RAP1A: variants seen among roughly 807,000 people sequenced by gnomAD.
RAP1A encodes the protein RAP1A, member of RAS oncogene family, also known as ras-related protein Rap-1A.
RAP1A carries 6 observed loss-of-function variants against 26.4 expected under a neutral mutation model. The observed-to-expected ratio is 0.23, with a 90% confidence interval of 0.12 to 0.45. The LOEUF is 0.45. Among genes scored for constraint, RAP1A ranks in the 20% least tolerant of loss-of-function variants. The pLI, the probability that RAP1A is intolerant of heterozygous loss-of-function variation, is 0.99. For synonymous variants in RAP1A, 73 were observed against 79.4 expected, an observed-to-expected ratio of 0.92 and a Z score of 0.43; for missense variants, 121 against 217.2, an observed-to-expected ratio of 0.56 and a Z score of 2.78.
chr1:111,653,705 A>C (rs930993590), intron 1 of RAP1A, among the ~76,000 whole-genome samples: 2 of 147,228 alleles, frequency 1.4e-5, no homozygotes, highest in African/African-American at 4.9e-5. Flanking sequence ...AAAAAAAAAA[A>C]AAAAGGTGGA....
At chr1:111,582,700 T>C (rs1658281542) in intron 1 of RAP1A, among the ~76,000 whole-genome samples, 1 of 152,222 alleles carries the variant, frequency 6.6e-6, no homozygotes, top group South Asian at 2.1e-4. Context: ...CAGATAAATG[T>C]CACCCTCTGC....
intron 1 of RAP1A, among the ~76,000 whole-genome samples, chr1:111,652,735 T>G (rs1571531089): frequency 6.6e-6 from 1 of 152,246 alleles, no homozygotes; most frequent in African/African-American, 2.4e-5. Context: ...TTGGCCAGGA[T>G]GTAGAGAGAT....
chr1:111,652,673 C>G (rs952105551), intron 1 of RAP1A, among the ~76,000 whole-genome samples: 5 of 151,960 alleles, frequency 3.3e-5, no homozygotes, highest in African/African-American at 1.2e-4. Context: ...GATATTATTT[C>G]ATACACACTA....
intron 1 of RAP1A, among the ~76,000 whole-genome samples, chr1:111,641,664 T>C (rs1659896572): frequency 6.6e-6 from 1 of 152,148 alleles, no homozygotes; most frequent in Non-Finnish European, 1.5e-5. Context: ...CGCATGCACA[T>C]AGGTCTTTGT....
chr1:111,707,757 T>C (rs1376940611), intron 6 of RAP1A, among the ~76,000 whole-genome samples: 2 of 152,260 alleles, frequency 1.3e-5, no homozygotes, highest in East Asian at 1.9e-4. Context: ...CTTATCTGTT[T>C]CATGTTTTAA....
chr1:111,561,100 C>G (rs6693944), intron 1 of RAP1A, among the ~76,000 whole-genome samples: 38,422 of 151,998 alleles, frequency 0.25, 5,005 homozygotes, highest in East Asian at 0.4. Context: ...TTCAAAGCTC[C>G]TCCCTACACA....
intron 1 of RAP1A, among the ~76,000 whole-genome samples, chr1:111,679,255 T>C (rs961829876): frequency 6.6e-6 from 1 of 151,958 alleles, no homozygotes; most frequent in African/African-American, 2.4e-5. Flanking sequence ...AGAAGCAGGG[T>C]GGGGCATCGC....
intron 1 of RAP1A, among the ~76,000 whole-genome samples, chr1:111,670,180 A>G (rs1380376313): frequency 6.6e-6 from 1 of 152,148 alleles, no homozygotes; most frequent in African/African-American, 2.4e-5. Context: ...TAATTAGGAA[A>G]GAAAAATGGT....
intron 1 of RAP1A, among the ~76,000 whole-genome samples, chr1:111,583,189 C>T (rs889295060): frequency 6.6e-6 from 1 of 150,804 alleles, no homozygotes; most frequent in African/African-American, 2.5e-5. Context: ...TGGAAAAGTG[C>T]AAAAAAGCAG....
intron 1 of RAP1A, among the ~76,000 whole-genome samples, chr1:111,600,448 C>G (rs76863273): frequency 6.6e-6 from 1 of 152,256 alleles, no homozygotes. Context: ...GCCTCCTCTT[C>G]CAGCCAGTGC....
At chr1:111,654,919 C>T (rs1487169532) in intron 1 of RAP1A, among the ~76,000 whole-genome samples, 3 of 151,498 alleles carry the variant, frequency 2.0e-5, no homozygotes, top group Non-Finnish European at 4.4e-5. Context: ...CCTGTAATCT[C>T]AGGACTTTGG....
upstream of RAP1A, among the ~76,000 whole-genome samples, chr1:111,619,144 C>G (rs1346516341): frequency 6.6e-6 from 1 of 152,200 alleles, no homozygotes; most frequent in African/African-American, 2.4e-5. Context: ...ACATGGCAGG[C>G]GTATCCCCAC....
intron 1 of RAP1A, among the ~76,000 whole-genome samples, chr1:111,632,398 G>A (rs1293747217): frequency 6.6e-6 from 1 of 152,028 alleles, no homozygotes; most frequent in Non-Finnish European, 1.5e-5. Flanking sequence ...GAGGATGAAA[G>A]TAAATATAAG....
At chr1:111,581,017 A>G (rs1449594509) in intron 1 of RAP1A, among the ~76,000 whole-genome samples, 2 of 115,428 alleles carry the variant, frequency 1.7e-5, no homozygotes, top group Admixed American at 9.5e-5. Context: ...CAAATGTCAC[A>G]CAGGCCAATC....
Position 111,625,375 on chromosome 1 carries a change from G to A in RAP1A, c.-28+5441G>A, listed in dbSNP as rs562210879. Among the ~76,000 whole-genome samples, 13 of 151,914 alleles carry A rather than the reference G, an allele frequency of 8.6e-5. No individual in the cohort carries two copies. The South Asian group carries it at 2.7e-3, about 32-fold the overall frequency. On this transcript the variant is annotated intron_variant, in intron 1 of 7. Transcript: ENST00000369709. ...TAGAAAAGACAAAACTATAAAAAGA[G>A]GCACAAAGAACTGAATACAACTATT...
intron 1 of RAP1A, among the ~76,000 whole-genome samples, chr1:111,595,850 C>T (rs1316601726): frequency 3.3e-5 from 5 of 152,018 alleles, no homozygotes; most frequent in Admixed American, 6.5e-5. Context: ...ATATAGTTCC[C>T]GAGCATAGTA....
intron 6 of RAP1A, among the ~76,000 whole-genome samples, chr1:111,708,726 A>G (rs928682428): frequency 2.0e-5 from 3 of 152,166 alleles, no homozygotes; most frequent in African/African-American, 2.4e-5. Flanking sequence ...AGGACTTAAT[A>G]GTTAAGGTCT....
chr1:111,657,526 A>G (rs922847860), intron 1 of RAP1A, among the ~76,000 whole-genome samples: 6 of 152,140 alleles, frequency 3.9e-5, no homozygotes, highest in African/African-American at 1.4e-4. Context: ...CTAAGCAATC[A>G]TTGCCAAATC....
At chr1:111,586,666 C>A (rs183650697) in intron 1 of RAP1A, among the ~76,000 whole-genome samples, 1 of 152,128 alleles carries the variant, frequency 6.6e-6, no homozygotes, top group East Asian at 1.9e-4. Context: ...TTCTTCACCT[C>A]CAGTGAGAGA....
Sources: allele counts gnomAD v4.1 joint callset (sites outside exome capture counted in the v4.1 genomes callset), GRCh38; gene constraint gnomAD v4.1.1; transcripts MANE v1.5; gene names NCBI Gene and HGNC (gene_info 2026-07-23, HGNC 2026-07-21).